The following RPS6KC1 variants were observed in gnomAD, a reference collection of about 807,000 sequenced individuals.
The protein encoded by RPS6KC1 is ribosomal protein S6 kinase C1, also known as inactive ribosomal protein S6 kinase delta-1.
A neutral mutation model predicts 103.8 loss-of-function variants in RPS6KC1; 54 were observed. That is an observed-to-expected ratio of 0.52 (90% CI 0.42 to 0.65). RPS6KC1 has a LOEUF of 0.65. Among genes scored for constraint, RPS6KC1 ranks in the 30% least tolerant of loss-of-function variants. The pLI, the probability that RPS6KC1 is intolerant of heterozygous loss-of-function variation, is 0.00. For missense variants in RPS6KC1, 1,151 were observed against 1,253.8 expected, an observed-to-expected ratio of 0.92 and a Z score of 1.24; for synonymous variants, 439 against 438.7, an observed-to-expected ratio of 1.00 and a Z score of -0.01.
chr1:213,082,488 A>T (rs2079993355), intron 3 of RPS6KC1, among the ~76,000 whole-genome samples: 1 of 152,182 alleles, frequency 6.6e-6, no homozygotes, highest in African/African-American at 2.4e-5. Flanking sequence ...GTATTCGGTA[A>T]GACTGCAAGT....
chr1:213,852,374 A>T, the RPS6KC1 span, among the ~76,000 whole-genome samples: 1 of 151,740 alleles, frequency 6.6e-6, no homozygotes, highest in Non-Finnish European at 1.5e-5. Flanking sequence ...TATTGTGAAC[A>T]TATCTTTACC....
At chr1:213,633,810 G>C in the RPS6KC1 span, among the ~76,000 whole-genome samples, 2 of 133,610 alleles carry the variant, frequency 1.5e-5, no homozygotes, top group Non-Finnish European at 3.1e-5. Context: ...CCCATCTCAA[G>C]TGCAGAGACA....
chr1:213,310,977 G>A, the RPS6KC1 span, among the ~76,000 whole-genome samples: 1 of 152,064 alleles, frequency 6.6e-6, no homozygotes, highest in African/African-American at 2.4e-5. Context: ...TGGGTCCCTG[G>A]TTCTCAGGTT....
chr1:213,305,008 C>T, the RPS6KC1 span, among the ~76,000 whole-genome samples: 1 of 152,156 alleles, frequency 6.6e-6, no homozygotes, highest in Non-Finnish European at 1.5e-5. Flanking sequence ...TCACTGAGAC[C>T]ATTTTCAATT....
At chr1:213,766,869 C>T in the RPS6KC1 span, among the ~76,000 whole-genome samples, 10 of 152,108 alleles carry the variant, frequency 6.6e-5, no homozygotes, top group African/African-American at 2.2e-4. Context: ...TCTCTGTCAC[C>T]TCCAAGGAGA....
At chr1:213,177,784 C>G (rs1196486080) in intron 8 of RPS6KC1, among the ~76,000 whole-genome samples, 3 of 152,146 alleles carry the variant, frequency 2.0e-5, no homozygotes, top group African/African-American at 7.2e-5. Context: ...TCTTGAGGTA[C>G]AGTGTCTGCC....
At chr1:213,850,998 C>T in the RPS6KC1 span, among the ~76,000 whole-genome samples, 1 of 152,112 alleles carries the variant, frequency 6.6e-6, no homozygotes, top group African/African-American at 2.4e-5. Context: ...TTCGAATTTT[C>T]AACTGTGTTT....
At chr1:213,171,177 A>G (rs2091447502) in intron 7 of RPS6KC1, among the ~76,000 whole-genome samples, 1 of 152,122 alleles carries the variant, frequency 6.6e-6, no homozygotes, top group Non-Finnish European at 1.5e-5. Flanking sequence ...CATTCATGTT[A>G]ATATCCTTTT....
chr1:213,394,358 G>A, the RPS6KC1 span, among the ~76,000 whole-genome samples: 3 of 152,150 alleles, frequency 2.0e-5, no homozygotes, highest in Admixed American at 2.0e-4. Context: ...TGGCGAGGGA[G>A]TATTTATACT....
the RPS6KC1 span, among the ~76,000 whole-genome samples, chr1:213,395,379 A>G: frequency 6.6e-6 from 1 of 152,168 alleles, no homozygotes; most frequent in Non-Finnish European, 1.5e-5. Context: ...TTATGAATTC[A>G]ATATTGCATT....
chr1:213,798,690 C>T, the RPS6KC1 span, among the ~76,000 whole-genome samples: 1 of 152,158 alleles, frequency 6.6e-6, no homozygotes, highest in African/African-American at 2.4e-5. Flanking sequence ...CAAAATGACT[C>T]AAATATCCTA....
the RPS6KC1 span, among the ~76,000 whole-genome samples, chr1:213,762,914 T>C: frequency 6.6e-6 from 1 of 150,402 alleles, no homozygotes; most frequent in Non-Finnish European, 1.5e-5. Flanking sequence ...CAGACTGGAG[T>C]GCAGTGGCAT....
chr1:213,643,820 G>C, the RPS6KC1 span, among the ~76,000 whole-genome samples: 1 of 151,892 alleles, frequency 6.6e-6, no homozygotes, highest in African/African-American at 2.4e-5. Flanking sequence ...TTGTATTTAT[G>C]TTAGCTAATA....
At chr1:213,447,454 C>T in the RPS6KC1 span, among the ~76,000 whole-genome samples, 1 of 152,216 alleles carries the variant, frequency 6.6e-6, no homozygotes, top group East Asian at 1.9e-4. Flanking sequence ...GATAACAATA[C>T]CCAAAATATT....
the RPS6KC1 span, among the ~76,000 whole-genome samples, chr1:213,483,155 A>C: frequency 6.6e-6 from 1 of 152,156 alleles, no homozygotes; most frequent in Non-Finnish European, 1.5e-5. Context: ...AGGCAGCAGG[A>C]GGGAGAAGTG....
At chr1:213,787,090 C>A in the RPS6KC1 span, among the ~76,000 whole-genome samples, 4 of 152,130 alleles carry the variant, frequency 2.6e-5, no homozygotes, top group Non-Finnish European at 4.4e-5. Flanking sequence ...ACTTACTAAC[C>A]TTATAACTTT....
the RPS6KC1 span, among the ~76,000 whole-genome samples, chr1:213,581,675 C>T: frequency 2.6e-5 from 4 of 152,076 alleles, 1 homozygote; most frequent in Non-Finnish European, 5.9e-5. Context: ...AGCTCCTCAA[C>T]GCCAATATCT....
the RPS6KC1 span, among the ~76,000 whole-genome samples, chr1:213,520,068 T>C: frequency 6.6e-6 from 1 of 152,168 alleles, no homozygotes; most frequent in African/African-American, 2.4e-5. Context: ...CAATGGTGGT[T>C]CTTATTATGT....
the RPS6KC1 span, among the ~76,000 whole-genome samples, chr1:213,723,368 G>A: frequency 1.3e-5 from 2 of 152,174 alleles, no homozygotes; most frequent in Non-Finnish European, 2.9e-5. Flanking sequence ...TATTTCCTGC[G>A]GTTCTGGAGG....
Sources: allele counts gnomAD v4.1 joint callset (sites outside exome capture counted in the v4.1 genomes callset), GRCh38; gene constraint gnomAD v4.1.1; transcripts MANE v1.5; gene names NCBI Gene and HGNC (gene_info 2026-07-23, HGNC 2026-07-21).